PHF12: variants seen among roughly 807,000 people sequenced by gnomAD.
PHF12 encodes the protein PHD factor 1.
In PHF12, 6 loss-of-function variants were observed where a neutral mutation model predicts 99.8. The ratio of observed to expected loss-of-function variants is 0.06; its 90% CI spans 0.03 to 0.12. PHF12 has a LOEUF of 0.12. Ranked by LOEUF, PHF12 falls within the 10% of genes least tolerant of loss-of-function variation. The probability of loss-of-function intolerance (pLI) is 1.00; values close to 1 mark genes in which losing one functional copy is unlikely to be tolerated. For synonymous variants in PHF12, 480 were observed against 514.9 expected (o/e 0.93, Z 0.92); for missense variants, 954 against 1,300.1 (o/e 0.73, Z 4.09).
At chr17:28,947,132 T>C (rs912890359) in intron 2 of PHF12, among the ~76,000 whole-genome samples, 2 of 151,718 alleles carry the variant, frequency 1.3e-5, no homozygotes, top group African/African-American at 4.8e-5. Flanking sequence ...TACAGGCTCG[T>C]GCCACCACAC....
chr17:28,929,497 G>A (rs1410413329), intron 2 of PHF12, among the ~76,000 whole-genome samples: 2 of 152,060 alleles, frequency 1.3e-5, no homozygotes, highest in Non-Finnish European at 1.5e-5. Flanking sequence ...CACCAACCTC[G>A]GCCTCCCAAA....
Position 28,940,759 on chromosome 17 carries a change from T to C in PHF12, c.248+9306A>G, listed in dbSNP as rs544938034. Among the ~76,000 whole-genome samples the C allele has an allele frequency of 3.3e-5, 5 of 152,350 alleles. No individual in the cohort carries two copies. The East Asian group carries it at 9.6e-4, about 29-fold the overall frequency. On this transcript the variant is annotated intron_variant, in intron 2 of 14. Coordinates refer to ENST00000332830, the MANE Select transcript of PHF12 (RefSeq NM_001033561.2). ...TCAAGTCCTGGGAAAAGCAGTCAGC[T>C]AGTGACCTGTGCATGCGTCCTGGGC...
rs1168103886 is a variant in PHF12 at position 28,950,698 on chromosome 17, G to A, written c.66+197C>T. 5 of 748,584 alleles carry A rather than the reference G, an allele frequency of 6.7e-6. No individual in the cohort carries two copies. Among genetic ancestry groups the A allele is most frequent in the Non-Finnish European group, 9.9e-6 (5 of 505,616 alleles). The allele number at this position is 748,584 out of a possible 1,614,324, so 46.4% of individuals were successfully genotyped here. On this transcript the variant is annotated intron_variant, in intron 1 of 14. Coordinates refer to ENST00000332830, the MANE Select transcript of PHF12 (RefSeq NM_001033561.2). The surrounding 1 kb of genome is among the most constrained non-coding windows in gnomAD (Gnocchi z 5.7). ...GAGAGCGAATCGAGGGCGGCGGGTA[G>A]GTGAAACTGCTGCAAACGTCCTCGG...
rs2040765572 is a variant in PHF12 at position 28,949,173 on chromosome 17, CCT to C, written c.248+890_248+891del. Among the ~76,000 whole-genome samples, 1 of 152,222 alleles carries C rather than the reference CCT, an allele frequency of 6.6e-6. No individual in the cohort carries two copies. The highest frequency in any genetic ancestry group is 6.5e-5 in the Admixed American group (1 of 15,284). On this transcript the variant is annotated intron_variant, in intron 2 of 14. Coordinates refer to ENST00000332830, the MANE Select transcript of PHF12 (RefSeq NM_001033561.2). This position sits in a 1 kb window ranked among gnomAD's most constrained non-coding sequence, Gnocchi z 4.6. Reference sequence around the variant, plus strand: ...CCTTTCTAGTGCCACCGCACACAATCCTCCCTCTGGCAGCAAAGAATTTTGCA... The same window carrying C: ...CCTTTCTAGTGCCACCGCACACAATCCCCTCTGGCAGCAAAGAATTTTGCA...
chr17:28,910,584 G>C, intron 10 of PHF12: 1 of 608,738 alleles, frequency 1.6e-6, no homozygotes, highest in Non-Finnish European at 2.8e-6. Context: ...CTGTGCAGCT[G>C]CCTCCTGTAG....
intron 2 of PHF12, among the ~76,000 whole-genome samples, chr17:28,947,152 T>C (rs2040735522): frequency 6.6e-6 from 1 of 151,694 alleles, no homozygotes; most frequent in African/African-American, 2.4e-5. Context: ...CCCGGCTAAT[T>C]TTGTATTTTT....
rs2039911882 is a variant in PHF12, at chr17:28,908,790, G to A, written c.2451C>T (p.Ile817=). 2.5e-6 allele frequency: 4 copies of A among 1,613,594 alleles called. No individual in the cohort carries two copies. The highest frequency in any genetic ancestry group is 2.5e-6 in the Non-Finnish European group (3 of 1,179,832). Residue 817 remains isoleucine, a synonymous_variant, in exon 12 of 15, where the codon ATC becomes ATT. Coordinates refer to ENST00000332830, the MANE Select transcript of PHF12 (RefSeq NM_001033561.2). ...AVNMCYRTLY[I]GTGADMDVCL... ...GCTTCCTGGCTGGCTCACCTGTCCC[G>A]ATGTAGAGGGTTCGATAGCACATGT... is the stretch of plus-strand genomic sequence containing the variant.
At chr17:28,919,519 G>A (rs888290163) in intron 5 of PHF12, among the ~76,000 whole-genome samples, 1 of 151,972 alleles carries the variant, frequency 6.6e-6, no homozygotes, top group Admixed American at 6.5e-5. Context: ...GATTGCCTGA[G>A]GTCAGGAGAC....
chr17:28,948,827 C>T (rs1233889620), intron 2 of PHF12, among the ~76,000 whole-genome samples: 1 of 150,654 alleles, frequency 6.6e-6, no homozygotes, highest in African/African-American at 2.5e-5. Flanking sequence ...CTTTTCCTCT[C>T]TCCAGTCTGG....
chr17:28,913,997 G>C lies in PHF12; in HGVS notation c.1175C>G (p.Pro392Arg), dbSNP rs761331018. 1 of 1,613,518 alleles carries C rather than the reference G, an allele frequency of 6.2e-7. No individual in the cohort carries two copies. The highest frequency in any genetic ancestry group is 8.5e-7 in the Non-Finnish European group (1 of 1,179,486). The change falls in exon 8 of 15, where the codon CCT (proline) becomes CGT (arginine). Residue 392 changes from proline to arginine, a missense_variant. Physicochemically the swap from Pro to Arg is moderately radical, Grantham distance 103. Transcript: ENST00000332830. ...AIKSQYQFPP[P>R]LIAPAAIRDG... ...CCGAATGGCCGCGGGTGCAATGAGA[G>C]GGGGTGGAAACTGGTACTGAGATTT...
chr17:28,940,810 G>A, intron 2 of PHF12, among the ~76,000 whole-genome samples: 1 of 152,188 alleles, frequency 6.6e-6, no homozygotes, highest in South Asian at 2.1e-4. Flanking sequence ...CAATACCAAA[G>A]TGGCTTTCTG....
chr17:28,912,364 C>A, intron 9 of PHF12, 118 bp downstream of exon 9: 1 of 1,430,886 alleles, frequency 7.0e-7, no homozygotes, highest in Non-Finnish European at 9.2e-7. Flanking sequence ...GTAAGACAAA[C>A]AATACAAAGG....
chr17:28,908,252 C>T (rs1339554355), intron 12 of PHF12: 1 of 161,574 alleles, frequency 6.2e-6, no homozygotes, highest in Non-Finnish European at 1.4e-5. Context: ...TCAGAGCTGA[C>T]TTTCATCTCT....
intron 2 of PHF12, among the ~76,000 whole-genome samples, chr17:28,943,571 A>G (rs1468467158): frequency 6.6e-6 from 1 of 152,200 alleles, no homozygotes; most frequent in African/African-American, 2.4e-5. Context: ...TGGACGCTGC[A>G]GTGAGCTGAG....
At chr17:28,934,701 C>T (rs866248980) in intron 2 of PHF12, among the ~76,000 whole-genome samples, 3 of 151,314 alleles carry the variant, frequency 2.0e-5, no homozygotes, top group South Asian at 2.1e-4. Flanking sequence ...ACCTCTGCCT[C>T]CCGAGTTCAA....
At position 28,921,776 on chromosome 17, in the gene PHF12, T is replaced by G. The variant is rs1269557436; in HGVS notation, c.748A>C (p.Thr250Pro). 1 of 1,614,162 alleles carries G rather than the reference T, an allele frequency of 6.2e-7. No homozygotes were observed. Among genetic ancestry groups the G allele is most frequent in the Admixed American group, 1.7e-5 (1 of 60,028 alleles). Reference protein sequence around the residue: ...SSKRRRKEETTGKNVKKTQHE... With the variant: ...SSKRRRKEETPGKNVKKTQHE... Reference sequence around the variant, plus strand: ...TGTGTCTTCTTAACATTTTTCCCTGTGGTTTCCTCCTTTCTTCTCCTCTTG... The same window carrying G: ...TGTGTCTTCTTAACATTTTTCCCTGGGGTTTCCTCCTTTCTTCTCCTCTTG... Residue 250 changes from threonine to proline, a missense_variant, in exon 5 of 15, where the codon ACA (threonine) becomes CCA (proline). Coordinates refer to ENST00000332830, the MANE Select transcript of PHF12 (RefSeq NM_001033561.2).
Position 28,913,262 on chromosome 17 carries a change from C to T in PHF12, c.1309G>A (p.Val437Ile). 2 of 1,610,554 alleles carry T rather than the reference C, an allele frequency of 1.2e-6. No homozygotes were observed. Among genetic ancestry groups the T allele is most frequent in the Non-Finnish European group, 1.7e-6 (2 of 1,178,066 alleles). Reference sequence around the variant, plus strand: ...TTCAATATGCTGCACTGGAGCGCAACAACACTACAGAGCCACTGCAATGGA... The same window carrying T: ...TTCAATATGCTGCACTGGAGCGCAATAACACTACAGAGCCACTGCAATGGA... ...AEQQEWLCSV[V>I]ALQCSILKHL... The change falls in exon 9 of 15, where the codon GTT becomes ATT. Residue 437 changes from valine (V) to isoleucine (I), a missense_variant. Around this residue, in one of 8 missense-constraint regions of PHF12, gnomAD observed 392 missense variants for 423.1 expected, o/e 0.93. Coordinates refer to ENST00000332830, the MANE Select transcript of PHF12 (RefSeq NM_001033561.2).
chr17:28,950,752 A>G lies in PHF12; in HGVS notation c.66+143T>C, dbSNP rs2040795639. 1.6e-6 allele frequency: 2 copies of G among 1,222,158 alleles called. No homozygotes were observed. The highest frequency in any genetic ancestry group is 2.2e-6 in the Non-Finnish European group (2 of 910,418). The allele number at this position is 1,222,158 out of a possible 1,614,324, so 75.7% of individuals were successfully genotyped here. A position where few individuals can be genotyped will look rare whatever the true frequency, so the allele number is the denominator to read the frequency against. ...CTGAGCTCAGCCCCCTAAATTGCAA[A>G]GAGGGGAGGGAGAGGCTAGGTGAGG... On this transcript the variant is annotated intron_variant, in intron 1 of 14. Coordinates refer to ENST00000332830, the MANE Select transcript of PHF12 (RefSeq NM_001033561.2). This position sits in a 1 kb window ranked among gnomAD's most constrained non-coding sequence, Gnocchi z 5.7.
At chr17:28,917,544 T>C in intron 6 of PHF12, 95 bp from the exon 7 acceptor site, 1 of 1,372,656 alleles carries the variant, frequency 7.3e-7, no homozygotes, top group Admixed American at 2.5e-5. Context: ...CTAGAAGCCC[T>C]CAGCCACATA....
Sources: gnomAD v4.1 joint callset for allele counts (sites outside exome capture counted in the v4.1 genomes callset) on GRCh38, gnomAD v4.1.1 for gene constraint, gnomAD v4.1.1 regional missense constraint, Gnocchi (gnomAD v3.1) non-coding constraint, MANE v1.5 for transcripts, NCBI Gene and HGNC (gene_info 2026-07-23, HGNC 2026-07-21) for gene names.